RMDN2: variants seen among roughly 807,000 people sequenced by gnomAD.
RMDN2 encodes the protein regulator of microtubule dynamics 2, also known as regulator of microtubule dynamics protein 2.
Under a neutral mutation model 52.8 loss-of-function variants are expected in RMDN2, and 61 were observed. The observed-to-expected ratio is 1.16, with a 90% confidence interval of 0.94 to 1.43. The LOEUF (loss-of-function observed/expected upper bound fraction) is 1.43, where lower values mean the gene tolerates loss of function less well. RMDN2 is among the 40% of genes most tolerant of loss of function. The probability of loss-of-function intolerance (pLI) is 0.00; values close to 1 mark genes in which losing one functional copy is unlikely to be tolerated. For synonymous variants in RMDN2, 180 were observed against 153.1 expected (o/e 1.18, Z -1.30); for missense variants, 592 against 475.3 (o/e 1.25, Z -2.28).
At chr2:38,029,392 T>C (rs1328562161) in intron 10 of RMDN2, 1 of 152,126 alleles carries the variant, frequency 6.6e-6, no homozygotes, top group Non-Finnish European at 1.5e-5. Flanking sequence ...CTGATCCACA[T>C]AGCCAGTTGT....
At chr2:38,007,188 A>C (rs1021743884) in intron 10 of RMDN2, among the ~76,000 whole-genome samples, 2 of 152,198 alleles carry the variant, frequency 1.3e-5, no homozygotes, top group African/African-American at 4.8e-5. Flanking sequence ...TATCTCTGCC[A>C]GGCTTTGGTA....
chr2:37,981,548 T>G (rs1306397485), intron 5 of RMDN2, among the ~76,000 whole-genome samples: 1 of 152,258 alleles, frequency 6.6e-6, no homozygotes, highest in Non-Finnish European at 1.5e-5. Context: ...AGGGAAACTT[T>G]TATTGAAAAA....
In RMDN2 at chr2:38,039,047, TACACACAC is replaced by T. The variant is rs71414270; in HGVS notation, c.1714-27895_1714-27888del. ...GCAACAGTTTAAAAGCCAGATGCTA[TACACACAC>T]ACACACACACACACACACACACACA... On this transcript the variant is annotated intron_variant, in intron 10 of 10. Transcript: ENST00000234195. Among the ~76,000 whole-genome samples, 395 of 127,382 alleles carry T rather than the reference TACACACAC, an allele frequency of 3.1e-3. 4 individuals are homozygous for T. The highest frequency in any genetic ancestry group is 0.013 in the East Asian group (65 of 4,994). 83.6% of individuals were successfully genotyped at this position (127,382 alleles called of 152,430 possible).
intron 10 of RMDN2, among the ~76,000 whole-genome samples, chr2:38,037,045 A>G (rs568889030): frequency 6.6e-6 from 1 of 152,320 alleles, no homozygotes; most frequent in South Asian, 2.1e-4. Context: ...TTTGGCTTCT[A>G]GGGAAAGGCA....
chr2:37,985,929 A>T (rs913102554), intron 5 of RMDN2, among the ~76,000 whole-genome samples: 2 of 152,186 alleles, frequency 1.3e-5, no homozygotes, highest in African/African-American at 4.8e-5. Context: ...TCAATATTGT[A>T]TATCAATATT....
chr2:37,952,142 C>T (rs527857867), intron 2 of RMDN2: 20 of 1,613,120 alleles, frequency 1.2e-5, no homozygotes, highest in African/African-American at 8.0e-5. Flanking sequence ...AAGATGAAGA[C>T]TTTGCTGTCT....
chr2:38,046,134 A>T (rs1434531261), intron 10 of RMDN2, among the ~76,000 whole-genome samples: 2 of 152,230 alleles, frequency 1.3e-5, no homozygotes, highest in South Asian at 2.1e-4. Context: ...CTGACTGAAT[A>T]TGAAGTTTTC....
intron 1 of RMDN2, among the ~76,000 whole-genome samples, chr2:37,928,463 C>T (rs1390222097): frequency 6.6e-6 from 1 of 152,164 alleles, no homozygotes; most frequent in African/African-American, 2.4e-5. Context: ...GGGTATACAA[C>T]CTAATTCAGA....
chr2:38,049,994 A>G (rs1356564406), intron 10 of RMDN2, among the ~76,000 whole-genome samples: 2 of 152,228 alleles, frequency 1.3e-5, no homozygotes, highest in African/African-American at 4.8e-5. Context: ...AGCTAATAGC[A>G]TGTGTTATTA....
chr2:37,964,097 A>T, intron 2 of RMDN2, among the ~76,000 whole-genome samples: 1 of 149,782 alleles, frequency 6.7e-6, no homozygotes. Flanking sequence ...CACTTCCCAG[A>T]CGGGGCGGCT....
chr2:37,942,692 A>G (rs1486492784), intron 2 of RMDN2, among the ~76,000 whole-genome samples: 1 of 152,078 alleles, frequency 6.6e-6, no homozygotes, highest in East Asian at 1.9e-4. Context: ...TTCATCATTC[A>G]TTTGCCATTT....
At chr2:37,981,368 CT>C in intron 5 of RMDN2, 25 bp downstream of exon 5, 1 of 1,453,612 alleles carries the variant, frequency 6.9e-7, no homozygotes, top group Non-Finnish European at 9.6e-7. Flanking sequence ...TTTATGCAGT[CT>C]TTTAAATTCT....
intron 2 of RMDN2, among the ~76,000 whole-genome samples, chr2:37,948,994 G>A (rs1668468043): frequency 6.6e-6 from 1 of 152,126 alleles, no homozygotes; most frequent in Non-Finnish European, 1.5e-5. Flanking sequence ...ATTTTTCAAA[G>A]AAAAATTTTT....
chr2:37,972,751 C>A (rs941071889), intron 2 of RMDN2, among the ~76,000 whole-genome samples: 3 of 152,106 alleles, frequency 2.0e-5, no homozygotes, highest in Admixed American at 6.6e-5. Flanking sequence ...TGGCTAGATT[C>A]TGGATGTATT....
intron 10 of RMDN2, among the ~76,000 whole-genome samples, chr2:38,059,892 T>G (rs1558595093): frequency 1.3e-5 from 2 of 151,822 alleles, no homozygotes; most frequent in African/African-American, 4.8e-5. Flanking sequence ...TTTTTTTTGT[T>G]TTTGTTTTTG....
chr2:37,948,947 G>C (rs1396394476), intron 2 of RMDN2, among the ~76,000 whole-genome samples: 1 of 152,126 alleles, frequency 6.6e-6, no homozygotes, highest in Non-Finnish European at 1.5e-5. Flanking sequence ...TTCTTTTAGA[G>C]GCCATTGGTG....
chr2:38,007,173 T>G (rs940664934), intron 10 of RMDN2, among the ~76,000 whole-genome samples: 2 of 152,220 alleles, frequency 1.3e-5, no homozygotes, highest in Admixed American at 1.3e-4. Flanking sequence ...TCTCTTTTTT[T>G]GTTGTATCTC....
At chr2:37,945,404 A>G (rs1668139795) in intron 2 of RMDN2, among the ~76,000 whole-genome samples, 2 of 152,152 alleles carry the variant, frequency 1.3e-5, no homozygotes, top group South Asian at 4.1e-4. Flanking sequence ...TCCAATTTGG[A>G]CACATTTGTC....
chr2:38,056,588 G>T (rs776731022), intron 10 of RMDN2, among the ~76,000 whole-genome samples: 3 of 152,172 alleles, frequency 2.0e-5, no homozygotes, highest in Non-Finnish European at 4.4e-5. Flanking sequence ...TATTACACTT[G>T]ATTTACTGTG....
Sources: gnomAD v4.1 joint callset for allele counts (sites outside exome capture counted in the v4.1 genomes callset) on GRCh38, gnomAD v4.1.1 for gene constraint, MANE v1.5 for transcripts, NCBI Gene and HGNC (gene_info 2026-07-23, HGNC 2026-07-21) for gene names.